CTNNA2: variants seen among roughly 807,000 people sequenced by gnomAD.
The protein encoded by CTNNA2 is catenin alpha-2.
CTNNA2 carries 42 observed loss-of-function variants against 101.0 expected under a neutral mutation model. The observed-to-expected ratio is 0.42, with a 90% CI of 0.32 to 0.54. The LOEUF is 0.54. Ranked by LOEUF, CTNNA2 falls within the 20% of genes least tolerant of loss-of-function variation. CTNNA2 has a pLI of 0.14. For missense variants in CTNNA2, 871 were observed against 1,223.1 expected (o/e 0.71, Z 4.29); for synonymous variants, 450 against 456.4 (o/e 0.99, Z 0.18).
intron 1 of CTNNA2, among the ~76,000 whole-genome samples, chr2:79,579,648 C>T (rs1156261895): frequency 1.3e-5 from 2 of 152,110 alleles, no homozygotes; most frequent in Admixed American, 1.3e-4. Context: ...GGAGTTCACT[C>T]TTGTTGCCCA....
At chr2:79,288,042 A>C (rs1200139648) in intron 2 of CTNNA2, among the ~76,000 whole-genome samples, 2 of 152,200 alleles carry the variant, frequency 1.3e-5, no homozygotes, top group African/African-American at 2.4e-5. Context: ...TTCTTTGACT[A>C]GGAAAGGGAA....
intron 7 of CTNNA2, among the ~76,000 whole-genome samples, chr2:80,174,586 G>T (rs971216941): frequency 6.6e-6 from 1 of 152,052 alleles, no homozygotes; most frequent in African/African-American, 2.4e-5. Context: ...AGTTCCTAAC[G>T]ATAGTCTCCT....
At chr2:80,473,649 T>C (rs1685488841) in intron 9 of CTNNA2, among the ~76,000 whole-genome samples, 1 of 152,204 alleles carries the variant, frequency 6.6e-6, no homozygotes, top group Non-Finnish European at 1.5e-5. Context: ...TGCTCAGCAG[T>C]CAGTTTACAT....
chr2:80,555,514 C>G (rs1692953371), intron 11 of CTNNA2, among the ~76,000 whole-genome samples, 179 bp from the exon 12 acceptor site: 2 of 152,214 alleles, frequency 1.3e-5, no homozygotes, highest in Admixed American at 6.5e-5. Flanking sequence ...CTGGCTGATG[C>G]TCAGGTTTGA....
intron 3 of CTNNA2, among the ~76,000 whole-genome samples, chr2:79,838,811 A>G (rs1428507277): frequency 6.6e-6 from 1 of 152,086 alleles, no homozygotes; most frequent in African/African-American, 2.4e-5. Context: ...AATTCCGTGT[A>G]GATGAAAACA....
intron 7 of CTNNA2, among the ~76,000 whole-genome samples, chr2:80,159,589 T>G (rs1159186427): frequency 6.6e-6 from 1 of 152,206 alleles, no homozygotes; most frequent in Admixed American, 6.5e-5. Context: ...TAATTTCTCC[T>G]GCCTCAGCCT....
intron 2 of CTNNA2, among the ~76,000 whole-genome samples, chr2:79,723,731 G>A (rs769819433): frequency 2.6e-5 from 4 of 152,152 alleles, no homozygotes; most frequent in Non-Finnish European, 4.4e-5. Context: ...ATGAATATAT[G>A]TGAGTTCTAG....
chr2:79,944,369 A>G (rs1255938543), intron 7 of CTNNA2, among the ~76,000 whole-genome samples: 1 of 152,222 alleles, frequency 6.6e-6, no homozygotes, highest in Non-Finnish European at 1.5e-5. Context: ...TCAGTAAACA[A>G]GTCATATATG....
intron 7 of CTNNA2, among the ~76,000 whole-genome samples, chr2:80,316,311 G>A (rs1350131250): frequency 2.0e-5 from 3 of 151,982 alleles, no homozygotes; most frequent in Non-Finnish European, 2.9e-5. Context: ...TATTTAACCA[G>A]GCAGCACCAT....
intron 3 of CTNNA2, among the ~76,000 whole-genome samples, chr2:79,856,113 C>T (rs748215628): frequency 3.9e-5 from 6 of 152,172 alleles, no homozygotes; most frequent in Non-Finnish European, 7.3e-5. Context: ...TTCTCCCATG[C>T]TGTTGTTATA....
intron 2 of CTNNA2, among the ~76,000 whole-genome samples, chr2:79,743,734 A>G (rs1236688796): frequency 1.3e-5 from 2 of 151,824 alleles, no homozygotes; most frequent in Non-Finnish European, 2.9e-5. Context: ...AGGTTTCACC[A>G]TGTTGGCCAG....
chr2:79,400,728 A>G (rs1678281659), intron 4 of CTNNA2, among the ~76,000 whole-genome samples: 1 of 151,980 alleles, frequency 6.6e-6, no homozygotes, highest in Non-Finnish European at 1.5e-5. Flanking sequence ...GGGGTATAAA[A>G]ATATTTGAGG....
rs145439433 is a variant in CTNNA2 at position 79,369,515 on chromosome 2, T to C, written c.-317-4316T>C. 5.5e-3 allele frequency among the ~76,000 whole-genome samples: 845 copies of C among 152,294 alleles called. 9 individuals are homozygous for C. The highest frequency in any genetic ancestry group is 0.019 in the African/African-American group (806 of 41,566). On this transcript the variant is annotated intron_variant, in intron 3 of 21. Coordinates refer to the CTNNA2 transcript ENST00000466387. ...CCCTGTCTCCGGCCCATTGTGGACA[T>C]GACTGCTCTTCCAGTGTGGCTCCCC...
chr2:80,036,842 TGTGTGTGA>T lies in CTNNA2; in HGVS notation c.1056+127047_1056+127054del, dbSNP rs1402843546. ...GTGTGTTTGTGTGTGTGTGTGTGTG[TGTGTGTGA>T]GAGAGAGAGAGAGAGAGAGAGAGAG... On this transcript the variant is annotated intron_variant, in intron 7 of 18. Transcript: ENST00000402739. 7.2e-3 allele frequency among the ~76,000 whole-genome samples: 578 copies of T among 79,766 alleles called. 4 individuals are homozygous for T. Among genetic ancestry groups the T allele is most frequent in the African/African-American group, 0.022 (553 of 25,322 alleles). 52.3% of individuals were successfully genotyped at this position (79,766 alleles called of 152,430 possible).
chr2:79,625,398 A>G lies in CTNNA2; in HGVS notation c.-5-26154A>G, dbSNP rs561125079. On this transcript the variant is annotated intron_variant, in intron 1 of 18. Coordinates refer to ENST00000402739, the MANE Select transcript of CTNNA2 (RefSeq NM_001282597.3). The stretch of plus-strand genomic sequence containing the variant: ...TATAAATGTTTGAGAGTGTAGAGTC[A>G]TATTAGGGGGCTGGGAAATCAATAT... 1.3e-4 allele frequency among the ~76,000 whole-genome samples: 20 copies of G among 152,254 alleles called. No homozygotes were observed. The East Asian group carries it at 3.9e-3, about 29-fold the overall frequency.
intron 7 of CTNNA2, among the ~76,000 whole-genome samples, chr2:79,958,261 A>T (rs1020643617): frequency 1.3e-5 from 2 of 152,176 alleles, no homozygotes; most frequent in African/African-American, 4.8e-5. Flanking sequence ...CCCCCCAAAG[A>T]TGTCCATGCC....
chr2:79,430,694 G>A (rs1329517363), intron 4 of CTNNA2, among the ~76,000 whole-genome samples: 2 of 152,076 alleles, frequency 1.3e-5, no homozygotes, highest in Non-Finnish European at 2.9e-5. Flanking sequence ...CACAAGGCAT[G>A]GAGAGTTTAT....
chr2:80,535,683 A>G (rs112484118), intron 9 of CTNNA2, among the ~76,000 whole-genome samples: 20 of 152,266 alleles, frequency 1.3e-4, no homozygotes, highest in African/African-American at 4.8e-4. Context: ...AGAAAAAGTG[A>G]TTCCACTTCC....
chr2:79,580,136 T>A (rs1052281506), intron 1 of CTNNA2, among the ~76,000 whole-genome samples: 3 of 152,122 alleles, frequency 2.0e-5, no homozygotes, highest in African/African-American at 7.2e-5. Flanking sequence ...CAGTGTTTTT[T>A]AGGATCTATT....
Sources: allele counts gnomAD v4.1 joint callset (sites outside exome capture counted in the v4.1 genomes callset), GRCh38; gene constraint gnomAD v4.1.1; transcripts MANE v1.5; gene names NCBI Gene and HGNC (gene_info 2026-07-23, HGNC 2026-07-21).